The following CENPW variants were observed in gnomAD, a reference collection of about 807,000 sequenced individuals.
CENPW encodes cancer-up-regulated gene 2 protein.
A neutral mutation model predicts 11.1 loss-of-function variants in CENPW; 3 were observed. The observed-to-expected ratio is 0.27, with a 90% CI of 0.12 to 0.70. CENPW has a LOEUF of 0.70. Ranked by LOEUF, CENPW falls within the 30% of genes least tolerant of loss-of-function variation. The probability of loss-of-function intolerance (pLI) is 0.77; values close to 1 mark genes in which losing one functional copy is unlikely to be tolerated. For missense variants in CENPW, 100 were observed against 105.6 expected (o/e 0.95, Z 0.23); for synonymous variants, 38 against 42.0 (o/e 0.91, Z 0.37).
At chr6:126,428,201 T>G in the CENPW span, among the ~76,000 whole-genome samples, 1 of 152,230 alleles carries the variant, frequency 6.6e-6, no homozygotes, top group South Asian at 2.1e-4. Flanking sequence ...ACATGTATCT[T>G]GACATTTATT....
chr6:126,447,173 A>G, the CENPW span, among the ~76,000 whole-genome samples: 3 of 151,170 alleles, frequency 2.0e-5, no homozygotes. Flanking sequence ...AGCTCCAGAG[A>G]TTCAGACTCA....
At chr6:126,418,958 C>T in the CENPW span, among the ~76,000 whole-genome samples, 5 of 150,606 alleles carry the variant, frequency 3.3e-5, no homozygotes, top group Non-Finnish European at 5.9e-5. Context: ...GGAGGGATAG[C>T]ATTAGGAGAT....
the CENPW span, among the ~76,000 whole-genome samples, chr6:126,416,785 T>C: frequency 7.2e-5 from 11 of 152,106 alleles, no homozygotes; most frequent in Admixed American, 7.2e-4. Context: ...TCAAAGGATG[T>C]ATGGAAATGC....
the CENPW span, among the ~76,000 whole-genome samples, chr6:126,366,699 A>G: frequency 6.6e-6 from 1 of 152,206 alleles, no homozygotes; most frequent in South Asian, 2.1e-4. Context: ...CCTGTACTTC[A>G]TGTTACCATC....
chr6:126,424,788 CA>C, the CENPW span, among the ~76,000 whole-genome samples: 1 of 152,058 alleles, frequency 6.6e-6, no homozygotes, highest in Non-Finnish European at 1.5e-5. Flanking sequence ...GCATTGAAAA[CA>C]AAGACTAAGA....
the CENPW span, among the ~76,000 whole-genome samples, chr6:126,365,355 G>A: frequency 6.6e-6 from 1 of 152,210 alleles, no homozygotes; most frequent in Admixed American, 6.5e-5. Context: ...AGCTCATTAA[G>A]TTTTGCAGGC....
chr6:126,388,148 A>G, the CENPW span, among the ~76,000 whole-genome samples: 1 of 152,144 alleles, frequency 6.6e-6, no homozygotes. Context: ...ACTTCATACA[A>G]CTGTTTATTT....
At chr6:126,349,926 C>T (rs1780472013), downstream of CENPW, among the ~76,000 whole-genome samples, 1 of 152,054 alleles carries the variant, frequency 6.6e-6, no homozygotes, top group Non-Finnish European at 1.5e-5. Context: ...TCATAGCACA[C>T]TGCAGCCTCA....
the CENPW span, among the ~76,000 whole-genome samples, chr6:126,359,891 A>G: frequency 6.6e-6 from 1 of 152,012 alleles, no homozygotes; most frequent in South Asian, 2.1e-4. Context: ...TCTGAATTGC[A>G]ACTCTACCTT....
At chr6:126,434,490 T>C in the CENPW span, among the ~76,000 whole-genome samples, 2 of 152,100 alleles carry the variant, frequency 1.3e-5, no homozygotes, top group African/African-American at 4.8e-5. Flanking sequence ...GAATACTGTC[T>C]GCAATTTTTC....
the CENPW span, among the ~76,000 whole-genome samples, chr6:126,437,499 T>C: frequency 7.2e-5 from 11 of 151,946 alleles, no homozygotes; most frequent in Non-Finnish European, 1.3e-4. Context: ...TGTAATGTTA[T>C]AACCTCAGTT....
downstream of CENPW, among the ~76,000 whole-genome samples, chr6:126,349,485 T>G (rs2128290281): frequency 6.6e-6 from 1 of 152,288 alleles, no homozygotes; most frequent in Middle Eastern, 3.4e-3. Context: ...CTGGCAACCA[T>G]GAACTATTCT....
chr6:126,382,585 G>A, the CENPW span, among the ~76,000 whole-genome samples: 152,299 of 152,302 alleles, frequency 1, 76,148 homozygotes, highest in Non-Finnish European at 1. Flanking sequence ...TAGCCAGTAT[G>A]GAAAAGAATG....
downstream of CENPW, among the ~76,000 whole-genome samples, chr6:126,353,870 C>G (rs1258026909): frequency 1.3e-5 from 2 of 151,992 alleles, no homozygotes; most frequent in Non-Finnish European, 2.9e-5. Flanking sequence ...TCTCAAACAT[C>G]TAATGAGTTC....
chr6:126,345,270 C>G (rs6907898), intron 1 of CENPW, among the ~76,000 whole-genome samples: 1 of 151,222 alleles, frequency 6.6e-6, no homozygotes, highest in East Asian at 1.9e-4. Context: ...ATATGTAATC[C>G]GATAATGTTG....
chr6:126,481,005 T>C, the CENPW span, among the ~76,000 whole-genome samples: 4 of 152,010 alleles, frequency 2.6e-5, no homozygotes, highest in Middle Eastern at 3.2e-3. Flanking sequence ...ATAAGATCAA[T>C]GGGCAAATGG....
chr6:126,390,196 A>T, the CENPW span, among the ~76,000 whole-genome samples: 1 of 151,856 alleles, frequency 6.6e-6, no homozygotes, highest in Non-Finnish European at 1.5e-5. Flanking sequence ...CCCGCCTAAA[A>T]CCATACCAAT....
chr6:126,448,172 A>G, the CENPW span, among the ~76,000 whole-genome samples: 3 of 151,132 alleles, frequency 2.0e-5, no homozygotes, highest in Non-Finnish European at 4.5e-5. Flanking sequence ...GGAGCTTGTT[A>G]GGAATGTAAA....
At chr6:126,376,796 G>T in the CENPW span, among the ~76,000 whole-genome samples, 2 of 152,132 alleles carry the variant, frequency 1.3e-5, no homozygotes, top group African/African-American at 2.4e-5. Flanking sequence ...GTTCCATATG[G>T]TGAATAATGT....
Sources: gnomAD v4.1 joint callset for allele counts (sites outside exome capture counted in the v4.1 genomes callset) on GRCh38, gnomAD v4.1.1 for gene constraint, MANE v1.5 for transcripts, NCBI Gene and HGNC (gene_info 2026-07-23, HGNC 2026-07-21) for gene names.